Variants in CACNG5 observed in about 807,000 individuals in gnomAD.
CACNG5 encodes voltage-dependent calcium channel gamma-5 subunit.
CACNG5 carries 18 observed loss-of-function variants against 24.8 expected under a neutral mutation model. The ratio of observed to expected loss-of-function variants is 0.73; its 90% CI spans 0.50 to 1.08. The LOEUF (loss-of-function observed/expected upper bound fraction) is 1.08. CACNG5 is among the 50% of genes least tolerant of loss of function. The probability of loss-of-function intolerance (pLI) is 0.00; values close to 1 mark genes in which losing one functional copy is unlikely to be tolerated. For missense variants in CACNG5, 349 were observed against 367.9 expected (o/e 0.95, Z 0.42); for synonymous variants, 157 against 149.1 (o/e 1.05, Z -0.39).
intron 1 of CACNG5, among the ~76,000 whole-genome samples, chr17:66,876,573 G>A (rs1977080051): frequency 6.6e-6 from 1 of 152,208 alleles, no homozygotes; most frequent in Non-Finnish European, 1.5e-5. Flanking sequence ...CTGATTAGGT[G>A]GATTTAGGAG....
intron 1 of CACNG5, among the ~76,000 whole-genome samples, chr17:66,870,306 G>T (rs374355602): frequency 6.6e-6 from 1 of 152,262 alleles, no homozygotes; most frequent in African/African-American, 2.4e-5. Context: ...CCCATGGCTG[G>T]CAGCTAGTGC....
At chr17:66,837,993 C>T (rs1166840464) in intron 1 of CACNG5, among the ~76,000 whole-genome samples, 4 of 151,656 alleles carry the variant, frequency 2.6e-5, no homozygotes, top group South Asian at 2.1e-4. Flanking sequence ...GCAGCCTGTT[C>T]GAGAGGTGAA....
chr17:66,883,534 G>C (rs1292263595), intron 4 of CACNG5, among the ~76,000 whole-genome samples: 2 of 152,220 alleles, frequency 1.3e-5, no homozygotes, highest in African/African-American at 4.8e-5. Context: ...TTCAATTACA[G>C]CTACTAATTG....
chr17:66,855,685 C>G (rs371934893), intron 1 of CACNG5, among the ~76,000 whole-genome samples: 3 of 152,090 alleles, frequency 2.0e-5, no homozygotes, highest in African/African-American at 7.2e-5. Flanking sequence ...TTAGTAGAGA[C>G]GGGGTTTCAC....
At chr17:66,844,031 T>A (rs993071671) in intron 1 of CACNG5, among the ~76,000 whole-genome samples, 1 of 151,970 alleles carries the variant, frequency 6.6e-6, no homozygotes, top group Admixed American at 6.5e-5. Context: ...AGACAGCAGA[T>A]CTGTGCTGTC....
At chr17:66,839,540 G>A (rs763645381) in intron 1 of CACNG5, among the ~76,000 whole-genome samples, 1 of 151,974 alleles carries the variant, frequency 6.6e-6, no homozygotes, top group Non-Finnish European at 1.5e-5. Context: ...TTTTCGAAAG[G>A]AGCCCCAGGA....
At chr17:66,853,309 G>A (rs1012924696) in intron 1 of CACNG5, among the ~76,000 whole-genome samples, 14 of 152,162 alleles carry the variant, frequency 9.2e-5, no homozygotes, top group Non-Finnish European at 5.9e-5. Context: ...AGCTGTACTC[G>A]GGTGTAAGTC....
intron 1 of CACNG5, among the ~76,000 whole-genome samples, chr17:66,867,090 T>G (rs1240905356): frequency 6.6e-6 from 1 of 152,204 alleles, no homozygotes; most frequent in Non-Finnish European, 1.5e-5. Context: ...CCACCAACAG[T>G]GTAAAAGCAC....
At position 66,877,544 on chromosome 17, in the gene CACNG5, G is replaced by T. The variant is rs777239443; in HGVS notation, c.196+16G>T. 2.5e-6 allele frequency: 4 copies of T among 1,609,872 alleles called. No individual in the cohort carries two copies. The highest frequency in any genetic ancestry group is 2.5e-6 in the Non-Finnish European group (3 of 1,177,444). ...TTCCTTGCAGGTAAGGGTGCCCAGG[G>T]TTGGGGACAGCCCTGCCCCCTGACA... On this transcript the variant is annotated intron_variant, in intron 2 of 5. Transcript: ENST00000533854.
chr17:66,878,644 C>T (rs554746034), intron 2 of CACNG5, among the ~76,000 whole-genome samples: 1 of 152,160 alleles, frequency 6.6e-6, no homozygotes, highest in Non-Finnish European at 1.5e-5. Context: ...ATTGTCAGCC[C>T]CATCTGGCCA....
At chr17:66,845,847 A>T (rs1976633064) in intron 1 of CACNG5, among the ~76,000 whole-genome samples, 2 of 152,164 alleles carry the variant, frequency 1.3e-5, no homozygotes, top group South Asian at 4.1e-4. Flanking sequence ...AAGACCTTCA[A>T]GGCAAGTACC....
At chr17:66,858,914 C>T (rs1976818516) in intron 1 of CACNG5, among the ~76,000 whole-genome samples, 1 of 152,156 alleles carries the variant, frequency 6.6e-6, no homozygotes, top group Admixed American at 6.5e-5. Context: ...CAAGAGTCAC[C>T]AGTCATCTGC....
chr17:66,886,477 G>A lies in CACNG5; in HGVS notation c.*1237G>A, dbSNP rs1029919836. Among the ~76,000 whole-genome samples the A allele has an allele frequency of 3.9e-5, 6 of 152,168 alleles. No individual in the cohort carries two copies. The highest frequency in any genetic ancestry group is 1.9e-4 in the East Asian group (1 of 5,190). On this transcript the variant is annotated 3_prime_UTR_variant, in exon 6 of 6. Coordinates refer to ENST00000533854, the MANE Select transcript of CACNG5 (RefSeq NM_145811.3). ...GCCAGGAGGGTTTCAATTACCCTCC[G>A]TAAGTCCACAGAAGCCACTGCAAGC...
chr17:66,836,740 G>A (rs1976486125), intron 1 of CACNG5, among the ~76,000 whole-genome samples: 1 of 152,246 alleles, frequency 6.6e-6, no homozygotes, highest in Admixed American at 6.5e-5. Context: ...GGCAGTGGAT[G>A]TGCTGAGGGG....
At position 66,862,212 on chromosome 17, in the gene CACNG5, G is replaced by A. The variant is rs1976870936; in HGVS notation, c.-103-15018G>A. ...TATTTGCTCAAGAACTCATCTCTAT[G>A]TTGTTGGAAAAAGGCAGAATTTTTT... On this transcript the variant is annotated intron_variant, in intron 1 of 5. Coordinates refer to ENST00000533854, the MANE Select transcript of CACNG5 (RefSeq NM_145811.3). Among the ~76,000 whole-genome samples the A allele has an allele frequency of 2.0e-5, 3 of 152,172 alleles. No homozygotes were observed. The South Asian group carries it at 6.2e-4, about 32-fold the overall frequency.
chr17:66,884,200 C>T (rs1977211617), intron 4 of CACNG5, among the ~76,000 whole-genome samples: 1 of 151,644 alleles, frequency 6.6e-6, no homozygotes, highest in African/African-American at 2.4e-5. Context: ...CCAGGTGTAT[C>T]AGAATGTCCA....
rs552764709 is a variant in CACNG5, at chr17:66,855,721, TC to T, written c.-104+20473del. Reference sequence around the variant, plus strand: ...CATGTTGGTCAGGCTGGTCTTGAACTCCTGGCCTCAGGTGATCTGCCCGCCT... The same window carrying T: ...CATGTTGGTCAGGCTGGTCTTGAACTCTGGCCTCAGGTGATCTGCCCGCCT... On this transcript the variant is annotated intron_variant, in intron 1 of 5. Coordinates refer to ENST00000533854, the MANE Select transcript of CACNG5 (RefSeq NM_145811.3). Among the ~76,000 whole-genome samples the T allele has an allele frequency of 4.9e-3, 739 of 152,322 alleles. 4 individuals are homozygous for T. The highest frequency in any genetic ancestry group is 8.1e-3 in the Non-Finnish European group (552 of 68,038).
intron 2 of CACNG5, among the ~76,000 whole-genome samples, chr17:66,878,433 G>C (rs527385921): frequency 1.3e-5 from 2 of 152,362 alleles, no homozygotes; most frequent in African/African-American, 4.8e-5. Flanking sequence ...GTATTTAGCA[G>C]AGAAGACACC....
intron 1 of CACNG5, among the ~76,000 whole-genome samples, chr17:66,857,671 G>T (rs967369878): frequency 2.0e-5 from 3 of 152,142 alleles, no homozygotes; most frequent in Non-Finnish European, 4.4e-5. Context: ...TGGCTGGCTA[G>T]TGGCCGCCAT....
Sources: allele counts gnomAD v4.1 joint callset (sites outside exome capture counted in the v4.1 genomes callset), GRCh38; gene constraint gnomAD v4.1.1; transcripts MANE v1.5; gene names NCBI Gene and HGNC (gene_info 2026-07-23, HGNC 2026-07-21).